Variants in CTNNA3 observed in about 807,000 individuals in gnomAD.
CTNNA3 encodes catenin alpha 3, also known as catenin alpha-3.
A neutral mutation model predicts 95.7 loss-of-function variants in CTNNA3; 76 were observed. The observed-to-expected ratio is 0.79, with a 90% CI of 0.66 to 0.96. The LOEUF (loss-of-function observed/expected upper bound fraction) is 0.96. Among genes scored for constraint, CTNNA3 ranks in the 40% least tolerant of loss-of-function variants. The pLI is 0.00. For missense variants in CTNNA3, 1,191 were observed against 1,089.8 expected (o/e 1.09, Z -1.31); for synonymous variants, 431 against 374.4 (o/e 1.15, Z -1.74).
At chr10:66,585,088 T>C (rs1230309093) in intron 10 of CTNNA3, among the ~76,000 whole-genome samples, 2 of 152,074 alleles carry the variant, frequency 1.3e-5, no homozygotes, top group African/African-American at 2.4e-5. Flanking sequence ...GGTTACCTGA[T>C]GCTTTTATTT....
intron 7 of CTNNA3, among the ~76,000 whole-genome samples, chr10:67,079,820 C>T (rs1364707633): frequency 6.6e-6 from 1 of 150,570 alleles, no homozygotes; most frequent in Non-Finnish European, 1.5e-5. Context: ...TGAACTCCAG[C>T]CTGGGTGGCA....
At chr10:66,736,385 G>T (rs7069204) in intron 9 of CTNNA3, among the ~76,000 whole-genome samples, 41,693 of 151,042 alleles carry the variant, frequency 0.28, 6,057 homozygotes, top group East Asian at 0.49. Flanking sequence ...TGGAGACTGG[G>T]TTTCACCATG....
At chr10:66,878,277 C>G (rs1232464192) in intron 7 of CTNNA3, among the ~76,000 whole-genome samples, 1 of 152,076 alleles carries the variant, frequency 6.6e-6, no homozygotes, top group Admixed American at 6.6e-5. Context: ...CAATAGAGTT[C>G]TAAATCCGGC....
chr10:67,031,689 C>T (rs115699433), intron 7 of CTNNA3, among the ~76,000 whole-genome samples: 2,725 of 152,198 alleles, frequency 0.018, 80 homozygotes, highest in African/African-American at 0.061. Flanking sequence ...AATTGAAATA[C>T]GCACTTTGAG....
intron 7 of CTNNA3, among the ~76,000 whole-genome samples, chr10:66,940,072 T>C (rs1383497979): frequency 1.3e-5 from 2 of 152,202 alleles, no homozygotes; most frequent in Non-Finnish European, 2.9e-5. Context: ...AGGTTTTGTG[T>C]TTGTTTTTGC....
chr10:67,384,072 T>C (rs1023578671), intron 5 of CTNNA3, among the ~76,000 whole-genome samples: 28 of 152,210 alleles, frequency 1.8e-4, no homozygotes, highest in African/African-American at 6.5e-4. Flanking sequence ...ATTACTGTTT[T>C]GCTCCTTATC....
intron 17 of CTNNA3, among the ~76,000 whole-genome samples, chr10:65,948,026 C>T (rs112145833): frequency 6.6e-6 from 1 of 152,086 alleles, no homozygotes; most frequent in Admixed American, 6.5e-5. Context: ...GCCTGTAATC[C>T]CAGCACTTTG....
intron 13 of CTNNA3, among the ~76,000 whole-genome samples, chr10:66,128,400 T>G (rs1402883704): frequency 1.3e-5 from 2 of 152,132 alleles, no homozygotes; most frequent in Non-Finnish European, 2.9e-5. Flanking sequence ...CAAGATCTCC[T>G]TTGGTAGGTG....
chr10:66,125,488 A>C (rs2082779301), intron 13 of CTNNA3, among the ~76,000 whole-genome samples: 1 of 152,202 alleles, frequency 6.6e-6, no homozygotes, highest in South Asian at 2.1e-4. Context: ...AATAAAAAAC[A>C]AAATAGAAAC....
At chr10:66,477,228 A>T (rs1472665484) in intron 11 of CTNNA3, among the ~76,000 whole-genome samples, 1 of 152,140 alleles carries the variant, frequency 6.6e-6, no homozygotes, top group African/African-American at 2.4e-5. Context: ...TGAATTTAGA[A>T]CATTTCAACT....
intron 11 of CTNNA3, among the ~76,000 whole-genome samples, chr10:66,487,181 ATTTTTTTTTTTTTTTTTTTTT>A (rs60547696): frequency 2.4e-4 from 11 of 45,986 alleles, no homozygotes; most frequent in South Asian, 9.1e-4. Flanking sequence ...AAAAGGGCAG[ATTTTTTTTTTTTTTTTTTTTT>A]TTTTTTTTTT....
chr10:66,660,950 T>A (rs1846241240), intron 9 of CTNNA3, among the ~76,000 whole-genome samples: 1 of 152,188 alleles, frequency 6.6e-6, no homozygotes, highest in African/African-American at 2.4e-5. Context: ...CTATGGCAAC[T>A]AATATTGGTT....
At chr10:67,020,306 C>A (rs1293965271) in intron 7 of CTNNA3, among the ~76,000 whole-genome samples, 1 of 152,086 alleles carries the variant, frequency 6.6e-6, no homozygotes, top group Non-Finnish European at 1.5e-5. Flanking sequence ...AATATACAGC[C>A]TCATGTTAAA....
intron 7 of CTNNA3, among the ~76,000 whole-genome samples, chr10:66,844,777 A>G (rs1403773563): frequency 6.6e-6 from 1 of 152,196 alleles, no homozygotes; most frequent in Non-Finnish European, 1.5e-5. Context: ...TGGTAGTAGA[A>G]CAGGGACTAA....
intron 11 of CTNNA3, among the ~76,000 whole-genome samples, chr10:66,420,666 G>C (rs76691941): frequency 1.3e-5 from 2 of 152,008 alleles, no homozygotes; most frequent in African/African-American, 4.8e-5. Flanking sequence ...GGGCGTGATG[G>C]CATGTGCCTG....
chr10:66,416,271 A>T (rs56294150), intron 11 of CTNNA3, among the ~76,000 whole-genome samples: 1,928 of 67,972 alleles, frequency 0.028, 42 homozygotes, highest in African/African-American at 0.13. Flanking sequence ...CACATTTTTT[A>T]AAAAAAAAGA....
At chr10:67,542,192 TA>T (rs1025324722) in intron 3 of CTNNA3, among the ~76,000 whole-genome samples, 1 of 152,142 alleles carries the variant, frequency 6.6e-6, no homozygotes, top group African/African-American at 2.4e-5. Context: ...CCAATATTCC[TA>T]ACCCTTTTCA....
chr10:66,527,967 C>A (rs557180758), intron 10 of CTNNA3, among the ~76,000 whole-genome samples: 84 of 152,086 alleles, frequency 5.5e-4, no homozygotes, highest in African/African-American at 2.0e-3. Flanking sequence ...TTTTGTCAGG[C>A]AAGTAAAAAG....
At chr10:66,952,038 A>G (rs1410404360) in intron 7 of CTNNA3, among the ~76,000 whole-genome samples, 3 of 152,174 alleles carry the variant, frequency 2.0e-5, no homozygotes, top group African/African-American at 7.2e-5. Flanking sequence ...GATCCGTGAC[A>G]TTCAGCAGCT....
Sources: allele counts gnomAD v4.1 joint callset (sites outside exome capture counted in the v4.1 genomes callset), GRCh38; gene constraint gnomAD v4.1.1; transcripts MANE v1.5; gene names NCBI Gene and HGNC (gene_info 2026-07-23, HGNC 2026-07-21).